Variants in FHIP2A observed in about 807,000 individuals in gnomAD.
FHIP2A encodes family with sequence similarity 160 member B1.
In FHIP2A, 46 loss-of-function variants were observed where a neutral mutation model predicts 93.5. The ratio of observed to expected loss-of-function variants is 0.49; its 90% CI spans 0.39 to 0.63. The LOEUF (loss-of-function observed/expected upper bound fraction) is 0.63. FHIP2A is among the 20% of genes least tolerant of loss of function. The pLI is 0.00. For synonymous variants in FHIP2A, 332 were observed against 326.5 expected, an observed-to-expected ratio of 1.02 and a Z score of -0.18; for missense variants, 769 against 909.7, an observed-to-expected ratio of 0.85 and a Z score of 1.99.
chr10:114,846,389 A>G, intron 10 of FHIP2A, 22 bp downstream of exon 10: 1 of 1,591,902 alleles, frequency 6.3e-7, no homozygotes, highest in Non-Finnish European at 8.6e-7. Flanking sequence ...AATGATTTAG[A>G]ATTGGACTTA....
intron 16 of FHIP2A, among the ~76,000 whole-genome samples, chr10:114,890,630 C>A (rs1164364370): frequency 7.0e-6 from 1 of 142,208 alleles, no homozygotes; most frequent in African/African-American, 2.8e-5. Flanking sequence ...CTATATATGA[C>A]ATATATACCG....
intron 1 of FHIP2A, among the ~76,000 whole-genome samples, chr10:114,822,640 G>T (rs2143008931): frequency 6.6e-6 from 1 of 152,340 alleles, no homozygotes; most frequent in Middle Eastern, 3.4e-3. Flanking sequence ...CTCGCTGTGG[G>T]GCGTCCCTGG....
intron 16 of FHIP2A, among the ~76,000 whole-genome samples, chr10:114,874,804 G>A (rs1039847048): frequency 1.3e-5 from 2 of 151,788 alleles, no homozygotes; most frequent in Non-Finnish European, 1.5e-5. Flanking sequence ...GCGCCCGGCC[G>A]GAATTTTTTC....
chr10:114,859,615 G>T (rs1356503360), intron 14 of FHIP2A, among the ~76,000 whole-genome samples: 4 of 152,172 alleles, frequency 2.6e-5, no homozygotes, highest in Non-Finnish European at 4.4e-5. Flanking sequence ...ACTGGAAGGG[G>T]TGAGAAGTTT....
intron 16 of FHIP2A, among the ~76,000 whole-genome samples, chr10:114,898,554 A>C (rs1215564842): frequency 4.6e-5 from 7 of 151,778 alleles, no homozygotes; most frequent in Non-Finnish European, 1.0e-4. Context: ...CTACCTTCCA[A>C]GTTTGTTCTT....
chr10:114,852,389 T>G (rs1475530120), intron 13 of FHIP2A, among the ~76,000 whole-genome samples: 3 of 152,230 alleles, frequency 2.0e-5, no homozygotes, highest in African/African-American at 7.2e-5. Context: ...AACTTATGAT[T>G]GATGCCTTTA....
intron 6 of FHIP2A, 23 bp downstream of exon 6, chr10:114,843,249 T>TC (rs1436037420): frequency 1.0e-5 from 15 of 1,502,304 alleles, no homozygotes; most frequent in South Asian, 3.9e-5. Context: ...CCTTACTTTT[T>TC]CCCCCCTAAC....
At chr10:114,848,220 G>A (rs2083713604) in intron 12 of FHIP2A, among the ~76,000 whole-genome samples, 2 of 151,844 alleles carry the variant, frequency 1.3e-5, no homozygotes, top group Non-Finnish European at 2.9e-5. Flanking sequence ...AATTGCATGT[G>A]GCTCAAGATG....
Position 114,822,011 on chromosome 10 carries a change from G to A in FHIP2A, c.-68G>A. 2 of 987,964 alleles carry A rather than the reference G, an allele frequency of 2.0e-6. No individual in the cohort carries two copies. The highest frequency in any genetic ancestry group is 4.3e-5 in the Admixed American group (1 of 23,130). The allele number at this position is 987,964 out of a possible 1,614,324, so 61.2% of individuals were successfully genotyped here. On this transcript the variant is annotated 5_prime_UTR_variant, in exon 1 of 17. Coordinates refer to ENST00000369248, the MANE Select transcript of FHIP2A (RefSeq NM_020940.4). The stretch of plus-strand genomic sequence containing the variant: ...GAGCGGCCCCGGCAGCCGCAGCAGG[G>A]GCGGCGGCGGCGGATCGAGGAGCTC...
At chr10:114,894,815 A>G (rs7099208) in intron 16 of FHIP2A, among the ~76,000 whole-genome samples, 54,748 of 152,088 alleles carry the variant, frequency 0.36, 10,257 homozygotes, top group Middle Eastern at 0.44. Flanking sequence ...GGAACGACCT[A>G]GAGTGTGTAG....
intron 5 of FHIP2A, 115 bp from the exon 6 acceptor site, chr10:114,842,818 A>G (rs1309714801): frequency 3.0e-6 from 2 of 656,338 alleles, no homozygotes; most frequent in Non-Finnish European, 5.3e-6. Context: ...GTGACATAAC[A>G]TCTATTGCTA....
In FHIP2A at chr10:114,857,314, C is replaced by CTTTTTTTTTTT. The variant is rs78583275; in HGVS notation, c.1947+1976_1947+1986dup. On this transcript the variant is annotated intron_variant, in intron 14 of 16. Transcript: ENST00000369248. The stretch of plus-strand genomic sequence containing the variant: ...TTTCTTTCTCTCCCTATTTCTTCTT[C>CTTTTTTTTTTT]TTTTTTTTTTTTCTGAGACCGAGTC... 1.2e-4 allele frequency among the ~76,000 whole-genome samples: 15 copies of CTTTTTTTTTTT among 120,724 alleles called. No individual in the cohort carries two copies. The South Asian group carries it at 3.5e-3, about 29-fold the overall frequency. The allele number at this position is 120,724 out of a possible 152,430, so 79.2% of individuals were successfully genotyped here. A position where few individuals can be genotyped will look rare whatever the true frequency, so the allele number is the denominator to read the frequency against.
At chr10:114,894,606 A>C (rs1425798462) in intron 16 of FHIP2A, among the ~76,000 whole-genome samples, 1 of 152,100 alleles carries the variant, frequency 6.6e-6, no homozygotes, top group African/African-American at 2.4e-5. Flanking sequence ...ATGATGTAAC[A>C]CCTTCCTGAA....
In FHIP2A at chr10:114,860,794, T is replaced by C. The variant is rs777630909; in HGVS notation, c.1993T>C (p.Ser665Pro). 2 of 1,609,254 alleles carry C rather than the reference T, an allele frequency of 1.2e-6. No homozygotes were observed. The highest frequency in any genetic ancestry group is 1.7e-6 in the Non-Finnish European group (2 of 1,175,566). Residue 665 changes from serine (S) to proline (P), a missense_variant, in exon 15 of 17, where the codon TCT becomes CCT. By Grantham distance (74) the Ser-to-Pro change is moderately conservative (BLOSUM62 -1). Coordinates refer to ENST00000369248, the MANE Select transcript of FHIP2A (RefSeq NM_020940.4). Reference sequence around the variant, plus strand: ...AGTAACCTCAGTGTTATCTAGACTTTCTCTCTTCCCTCATCCACACATCCA... The same window carrying C: ...AGTAACCTCAGTGTTATCTAGACTTCCTCTCTTCCCTCATCCACACATCCA... ...LQVTSVLSRL[S>P]LFPHPHIHEY...
chr10:114,845,605 T>C, intron 8 of FHIP2A, 124 bp downstream of exon 8: 1 of 640,264 alleles, frequency 1.6e-6, no homozygotes. Context: ...GTTAGTAAAA[T>C]AAGTAAACAA....
At position 114,831,036 on chromosome 10, in the gene FHIP2A, A is replaced by C. The variant is rs574175983; in HGVS notation, c.124+106A>C. On this transcript the variant is annotated intron_variant, in intron 2 of 16. Coordinates refer to ENST00000369248, the MANE Select transcript of FHIP2A (RefSeq NM_020940.4). ...AAGTCTCCAAAGTTATTTTATATTT[A>C]AGTTTATAGACAATCTTATCTTTGT... is the stretch of plus-strand genomic sequence containing the variant. The C allele has an allele frequency of 6.4e-6, 4 of 623,976 alleles. No individual in the cohort carries two copies. In the East Asian group the frequency reaches 1.2e-4, roughly 19 times the overall value. The allele number at this position is 623,976 out of a possible 1,614,324, so 38.7% of individuals were successfully genotyped here.
chr10:114,891,537 A>ATATATGTG (rs1433286245), intron 16 of FHIP2A, among the ~76,000 whole-genome samples: 2 of 137,132 alleles, frequency 1.5e-5, no homozygotes, highest in African/African-American at 5.7e-5. Context: ...ATATATATAT[A>ATATATGTG]TGTGTGTGTG....
rs2083614455 is a variant in FHIP2A at position 114,832,716 on chromosome 10, T to TG, written c.125-517_125-516insG. 2.0e-5 allele frequency among the ~76,000 whole-genome samples: 3 copies of TG among 150,308 alleles called. No homozygotes were observed. The South Asian group carries it at 6.3e-4, about 32-fold the overall frequency. ...CTTATGGAATATATTTGAGATTTTT[T>TG]TTTTTTTTTTTTTGAGATGGTGTCC... On this transcript the variant is annotated intron_variant, in intron 2 of 16. Coordinates refer to ENST00000369248, the MANE Select transcript of FHIP2A (RefSeq NM_020940.4).
intron 1 of FHIP2A, among the ~76,000 whole-genome samples, chr10:114,828,757 A>G (rs2143009685): frequency 6.6e-6 from 1 of 152,186 alleles, no homozygotes; most frequent in East Asian, 1.9e-4. Context: ...CCTTGAAGTT[A>G]AAGTACTCCC....
Sources: allele counts gnomAD v4.1 joint callset (sites outside exome capture counted in the v4.1 genomes callset), GRCh38; gene constraint gnomAD v4.1.1; transcripts MANE v1.5; gene names NCBI Gene and HGNC (gene_info 2026-07-23, HGNC 2026-07-21).